Variants in LCOR observed in about 807,000 individuals in gnomAD.
LCOR encodes ligand dependent nuclear receptor corepressor.
LCOR carries 14 observed loss-of-function variants against 64.4 expected under a neutral mutation model. The ratio of observed to expected loss-of-function variants is 0.22; its 90% CI spans 0.14 to 0.34. The LOEUF is 0.34. LCOR is among the 10% of genes least tolerant of loss of function. The probability of loss-of-function intolerance (pLI) is 1.00; values close to 1 mark genes in which losing one functional copy is unlikely to be tolerated. For missense variants in LCOR, 1,686 were observed against 1,765.3 expected, an observed-to-expected ratio of 0.96 and a Z score of 0.80; for synonymous variants, 643 against 642.5, an observed-to-expected ratio of 1.00 and a Z score of -0.01.
At chr10:96,953,904 T>C (rs1300977853) in intron 7 of LCOR, among the ~76,000 whole-genome samples, 1 of 152,236 alleles carries the variant, frequency 6.6e-6, no homozygotes, top group Non-Finnish European at 1.5e-5. Context: ...CTAATTAATG[T>C]AATCATCCCC....
intron 1 of LCOR, among the ~76,000 whole-genome samples, chr10:96,832,642 G>A (rs1303727290): frequency 3.4e-5 from 5 of 148,530 alleles, no homozygotes; most frequent in African/African-American, 1.2e-4. Flanking sequence ...GCTGGCTCTC[G>A]GCGGGAGCGC....
chr10:96,926,043 C>T (rs538821725), intron 4 of LCOR, among the ~76,000 whole-genome samples: 1 of 152,270 alleles, frequency 6.6e-6, no homozygotes, highest in South Asian at 2.1e-4. Flanking sequence ...TTTATGAGCA[C>T]CTCTTAAATT....
chr10:96,857,014 AT>A (rs1845816412), intron 2 of LCOR, among the ~76,000 whole-genome samples: 1 of 152,104 alleles, frequency 6.6e-6, no homozygotes, highest in South Asian at 2.1e-4. Context: ...ACTTCAAGCC[AT>A]TCTCTTACTC....
chr10:96,833,070 C>T (rs1589591062), intron 1 of LCOR: 1 of 986,430 alleles, frequency 1.0e-6, no homozygotes, highest in Non-Finnish European at 1.2e-6. Flanking sequence ...GGCTGCACTT[C>T]CTCAGCGGGC....
chr10:96,950,448 G>C (rs1847659212), intron 6 of LCOR, among the ~76,000 whole-genome samples: 1 of 152,046 alleles, frequency 6.6e-6, no homozygotes, highest in South Asian at 2.1e-4. Flanking sequence ...CAAATTGGTA[G>C]TTTTCATTAA....
rs994232000 is a variant in LCOR, at chr10:96,990,085, A to T, written c.*4951A>T. On this transcript the variant is annotated 3_prime_UTR_variant, in exon 8 of 8. Coordinates refer to ENST00000421806, the MANE Select transcript of LCOR (RefSeq NM_001346516.2). ...ATCCTAGCAGTAAGTGCTATTCCCC[A>T]TGCTTGCTCTCAAATCCTTTTCAGG... 1 of 152,020 alleles carries T rather than the reference A, an allele frequency of 6.6e-6. No homozygotes were observed. Among genetic ancestry groups the T allele is most frequent in the South Asian group, 2.1e-4 (1 of 4,818 alleles). The allele number at this position is 152,020 out of a possible 1,614,324, so 9.4% of individuals were successfully genotyped here.
intron 4 of LCOR, among the ~76,000 whole-genome samples, chr10:96,927,772 A>G (rs1463731000): frequency 6.6e-6 from 1 of 152,184 alleles, no homozygotes; most frequent in African/African-American, 2.4e-5. Flanking sequence ...GACCATATAC[A>G]TGTTGGTATA....
chr10:96,964,974 C>G (rs902495609), intron 7 of LCOR, among the ~76,000 whole-genome samples: 1 of 151,896 alleles, frequency 6.6e-6, no homozygotes, highest in Non-Finnish European at 1.5e-5. Flanking sequence ...TACCAGAACA[C>G]ATAAAGAACA....
chr10:96,920,220 CGTT>C (rs1313097187), intron 4 of LCOR, among the ~76,000 whole-genome samples: 2 of 151,228 alleles, frequency 1.3e-5, no homozygotes, highest in East Asian at 3.9e-4. Flanking sequence ...AGTAGTATCT[CGTT>C]GTGGTTTTGG....
At chr10:96,927,532 A>G (rs1307421027) in intron 4 of LCOR, among the ~76,000 whole-genome samples, 2 of 152,080 alleles carry the variant, frequency 1.3e-5, no homozygotes, top group African/African-American at 2.4e-5. Context: ...GTTCAAAAAA[A>G]TCTTTGCCTA....
Position 96,993,123 on chromosome 10 carries a change from GCCCTGTCCTTCGGCACC to G in LCOR, c.*7993_*8009del. On this transcript the variant is annotated 3_prime_UTR_variant, in exon 8 of 8. Transcript: ENST00000421806. ...TTATGATCATGTTCCTCTTCTCTGTGCCCTGTCCTTCGGCACCCCCATGTTAGTCATGATCCTCATTG... is the reference window on the plus strand; with the variant it reads ...TTATGATCATGTTCCTCTTCTCTGTGCCCATGTTAGTCATGATCCTCATTG... 1 of 152,350 alleles carries G rather than the reference GCCCTGTCCTTCGGCACC, an allele frequency of 6.6e-6. No homozygotes were observed. Among genetic ancestry groups the G allele is most frequent in the African/African-American group, 2.4e-5 (1 of 41,578 alleles). 9.4% of individuals were successfully genotyped at this position (152,350 alleles called of 1,614,324 possible). A position where few individuals can be genotyped will look rare whatever the true frequency, so the allele number is the denominator to read the frequency against.
At chr10:96,868,817 C>G (rs1031896302) in intron 2 of LCOR, among the ~76,000 whole-genome samples, 1 of 152,168 alleles carries the variant, frequency 6.6e-6, no homozygotes, top group African/African-American at 2.4e-5. Context: ...CGTCATCTGT[C>G]TTGTTTAGCA....
At position 96,891,983 on chromosome 10, in the gene LCOR, T is replaced by G. The variant is rs1846453478; in HGVS notation, c.-329-15282T>G. 2.0e-5 allele frequency among the ~76,000 whole-genome samples: 3 copies of G among 152,228 alleles called. No individual in the cohort carries two copies. The South Asian group carries it at 6.2e-4, about 32-fold the overall frequency. On this transcript the variant is annotated intron_variant, in intron 2 of 7. Coordinates refer to ENST00000421806, the MANE Select transcript of LCOR (RefSeq NM_001346516.2). Reference sequence around the variant, plus strand: ...AGATACTTTGTGTGATTTCAGTCTTTTGAAATTTACGGCAAGTTTTTTTGT... The same window carrying G: ...AGATACTTTGTGTGATTTCAGTCTTGTGAAATTTACGGCAAGTTTTTTTGT...
intron 7 of LCOR, chr10:96,957,075 A>G (rs1847796165): frequency 5.1e-6 from 5 of 985,222 alleles, no homozygotes; most frequent in African/African-American, 3.5e-5. Flanking sequence ...GATGCATATC[A>G]GTTCTAACAA....
chr10:96,943,344 G>A (rs889807958), intron 4 of LCOR, among the ~76,000 whole-genome samples: 5 of 152,134 alleles, frequency 3.3e-5, no homozygotes, highest in African/African-American at 9.7e-5. Context: ...TGATCCGCCC[G>A]CCTCGGCCTC....
chr10:96,886,754 G>C (rs1464168051), intron 2 of LCOR, among the ~76,000 whole-genome samples: 26 of 152,076 alleles, frequency 1.7e-4, no homozygotes, highest in Admixed American at 1.6e-3. Context: ...CTTTTCCTGA[G>C]CACTTGGAAT....
rs544428418 is a variant in LCOR, at chr10:96,857,669, G to A, written c.-330+24190G>A. ...AAATTTTAGAAAAATACTGCCTAAAGCATTGTTTCAAAGTATCGATCGCTT... is the reference window on the plus strand; with the variant it reads ...AAATTTTAGAAAAATACTGCCTAAAACATTGTTTCAAAGTATCGATCGCTT... On this transcript the variant is annotated intron_variant, in intron 2 of 7. Coordinates refer to ENST00000421806, the MANE Select transcript of LCOR (RefSeq NM_001346516.2). Among the ~76,000 whole-genome samples, 325 of 152,252 alleles carry A rather than the reference G, an allele frequency of 2.1e-3. 3 individuals are homozygous for A. Among genetic ancestry groups the A allele is most frequent in the Non-Finnish European group, 2.9e-3 (199 of 68,020 alleles).
chr10:96,855,798 A>G (rs773675172), intron 2 of LCOR, among the ~76,000 whole-genome samples: 32 of 148,086 alleles, frequency 2.2e-4, no homozygotes, highest in South Asian at 6.4e-4. Flanking sequence ...CTGGAGTGCA[A>G]TGGTGCGATC....
intron 4 of LCOR, among the ~76,000 whole-genome samples, chr10:96,909,089 T>C (rs1846783514): frequency 1.3e-5 from 2 of 152,010 alleles, no homozygotes; most frequent in South Asian, 2.1e-4. Context: ...ACGAATTTCA[T>C]TTTTTTTCAT....
Sources: gnomAD v4.1 joint callset for allele counts (sites outside exome capture counted in the v4.1 genomes callset) on GRCh38, gnomAD v4.1.1 for gene constraint, MANE v1.5 for transcripts, NCBI Gene and HGNC (gene_info 2026-07-23, HGNC 2026-07-21) for gene names.